The following ANKRD11 variants were observed in gnomAD, a reference collection of about 807,000 sequenced individuals.
The protein encoded by ANKRD11 is ankyrin repeat domain-containing protein 11.
A neutral mutation model predicts 195.7 loss-of-function variants in ANKRD11; 17 were observed. The observed-to-expected ratio is 0.09, with a 90% confidence interval of 0.06 to 0.13. The LOEUF (loss-of-function observed/expected upper bound fraction) is 0.13, where lower values mean the gene tolerates loss of function less well. Ranked by LOEUF, ANKRD11 falls within the 10% of genes least tolerant of loss-of-function variation. The pLI is 1.00. For missense variants in ANKRD11, 3,735 were observed against 3,566.1 expected, an observed-to-expected ratio of 1.05 and a Z score of -1.21; for synonymous variants, 1,953 against 1,528.1, an observed-to-expected ratio of 1.28 and a Z score of -6.49.
intron 1 of ANKRD11, among the ~76,000 whole-genome samples, chr16:89,427,017 T>C (rs1235083760): frequency 6.6e-6 from 1 of 152,136 alleles, no homozygotes; most frequent in Admixed American, 6.5e-5. Context: ...TGAAGAACCA[T>C]CTCTTGGTAT....
chr16:89,282,954 G>C lies in ANKRD11; in HGVS notation c.3588C>G (p.Asp1196Glu), dbSNP rs1439827633. The change falls in exon 9 of 13, where the codon GAC (aspartate) becomes GAG (glutamate). Residue 1196 changes from aspartate to glutamate, a missense_variant. Asp to Glu is a conservative substitution (Grantham distance 45, BLOSUM62 2). Transcript: ENST00000301030. The part of the protein sequence containing the change: ...KDRGAADAGR[D>E]KKEKVFEKHK... ...GCTTTTCAAAGACTTTCTCTTTTTTGTCTCTCCCCGCGTCGGCAGCCCCTC... is the reference window on the plus strand; with the variant it reads ...GCTTTTCAAAGACTTTCTCTTTTTTCTCTCTCCCCGCGTCGGCAGCCCCTC... The C allele has an allele frequency of 1.9e-6, 3 of 1,612,334 alleles. No individual in the cohort carries two copies. The highest frequency in any genetic ancestry group is 1.3e-5 in the African/African-American group (1 of 74,440).
chr16:89,298,545 C>T (rs2151836561), intron 4 of ANKRD11, among the ~76,000 whole-genome samples: 1 of 152,358 alleles, frequency 6.6e-6, no homozygotes, highest in Non-Finnish European at 1.5e-5. Flanking sequence ...CCTGCCCGCC[C>T]CCCTCACTTG....
At chr16:89,320,845 C>A (rs1201354225) in intron 2 of ANKRD11, among the ~76,000 whole-genome samples, 4 of 152,232 alleles carry the variant, frequency 2.6e-5, no homozygotes. Context: ...CTCCACACTG[C>A]GAGAGCCCCT....
intron 2 of ANKRD11, among the ~76,000 whole-genome samples, chr16:89,381,128 G>A (rs1390679017): frequency 6.6e-6 from 1 of 152,104 alleles, no homozygotes; most frequent in Non-Finnish European, 1.5e-5. Context: ...TTTGAGACCA[G>A]CCCGGCCAAC....
intron 3 of ANKRD11, among the ~76,000 whole-genome samples, chr16:89,314,690 C>T (rs1032514457): frequency 4.6e-5 from 7 of 152,166 alleles, no homozygotes; most frequent in African/African-American, 1.7e-4. Context: ...AGGAGAGCTC[C>T]CTCTTTCCTC....
chr16:89,315,576 A>G (rs1220238044), intron 3 of ANKRD11, among the ~76,000 whole-genome samples: 1 of 152,206 alleles, frequency 6.6e-6, no homozygotes, highest in Non-Finnish European at 1.5e-5. Context: ...GGTGCTGACC[A>G]AGCACTGGCT....
chr16:89,463,176 C>T (rs2056759290), intron 1 of ANKRD11, among the ~76,000 whole-genome samples: 1 of 152,170 alleles, frequency 6.6e-6, no homozygotes, highest in Non-Finnish European at 1.5e-5. Flanking sequence ...GGAGGTGTGC[C>T]CAACAGCTCA....
At chr16:89,405,584 T>G (rs1797532441) in intron 2 of ANKRD11, among the ~76,000 whole-genome samples, 1 of 147,774 alleles carries the variant, frequency 6.8e-6, no homozygotes, top group African/African-American at 2.5e-5. Context: ...TCCTCCCGCC[T>G]CAGCCTCCCA....
intron 2 of ANKRD11, among the ~76,000 whole-genome samples, chr16:89,379,754 A>G (rs527383610): frequency 1.6e-4 from 25 of 152,390 alleles, no homozygotes; most frequent in Admixed American, 1.6e-3. Context: ...GTGATTCACA[A>G]AGAACTTGGA....
chr16:89,365,987 T>C lies in ANKRD11; in HGVS notation c.-59-48909A>G, dbSNP rs370748932. On this transcript the variant is annotated intron_variant, in intron 2 of 12. Transcript: ENST00000301030. ...TTGGTTTTCTGTCCCTGCATTGGTT[T>C]GTTAAGGATAAGGGCCTCCAGGCTC... Among the ~76,000 whole-genome samples the C allele has an allele frequency of 2.4e-4, 37 of 152,218 alleles. 1 individual carries two copies. The highest frequency in any genetic ancestry group is 8.7e-4 in the African/African-American group (36 of 41,528).
intron 4 of ANKRD11, among the ~76,000 whole-genome samples, chr16:89,302,344 T>C (rs1029109652): frequency 6.6e-6 from 1 of 152,154 alleles, no homozygotes; most frequent in African/African-American, 2.4e-5. Flanking sequence ...CCTCCACCTA[T>C]TGGGTTCACG....
At chr16:89,379,617 G>C (rs1460634057) in intron 2 of ANKRD11, among the ~76,000 whole-genome samples, 1 of 152,206 alleles carries the variant, frequency 6.6e-6, no homozygotes, top group Non-Finnish European at 1.5e-5. Flanking sequence ...TCCAACTTGA[G>C]CTTACAGTTT....
intron 2 of ANKRD11, among the ~76,000 whole-genome samples, chr16:89,384,879 C>CTTTTTTTTTTTTTCT (rs2040834686): frequency 2.2e-4 from 11 of 49,942 alleles, no homozygotes; most frequent in Non-Finnish European, 3.5e-4. Flanking sequence ...AAATAGTTTT[C>CTTTTTTTTTTTTTCT]TTTTTTTTTT....
chr16:89,486,883 T>C (rs1372535308), intron 1 of ANKRD11, among the ~76,000 whole-genome samples: 2 of 151,710 alleles, frequency 1.3e-5, no homozygotes, highest in Non-Finnish European at 2.9e-5. Context: ...GTAGGAGGTG[T>C]CTGTAATCCC....
At chr16:89,324,707 G>C (rs534141763) in intron 2 of ANKRD11, 1 of 333,542 alleles carries the variant, frequency 3.0e-6, no homozygotes, top group Non-Finnish European at 5.9e-6. Flanking sequence ...AAGTGCTTCA[G>C]CTTTTGGGTT....
intron 2 of ANKRD11, among the ~76,000 whole-genome samples, chr16:89,387,555 C>A (rs2040971522): frequency 6.6e-6 from 1 of 150,996 alleles, no homozygotes. Context: ...CGCCTGTACT[C>A]CCAGCTACTC....
At chr16:89,355,389 T>G (rs1312984891) in intron 2 of ANKRD11, among the ~76,000 whole-genome samples, 1 of 152,212 alleles carries the variant, frequency 6.6e-6, no homozygotes, top group Non-Finnish European at 1.5e-5. Flanking sequence ...ACAGAAGAGC[T>G]GATTAAGTTT....
chr16:89,462,333 G>T (rs2056708505), intron 1 of ANKRD11, among the ~76,000 whole-genome samples: 1 of 152,218 alleles, frequency 6.6e-6, no homozygotes, highest in African/African-American at 2.4e-5. Flanking sequence ...GGCCTCCCGA[G>T]GTGCCGGGAT....
At chr16:89,407,969 C>G (rs2041976480) in intron 2 of ANKRD11, among the ~76,000 whole-genome samples, 1 of 151,374 alleles carries the variant, frequency 6.6e-6, no homozygotes, top group African/African-American at 2.4e-5. Flanking sequence ...AAGTAAAGAA[C>G]AAACACATCT....
Sources: gnomAD v4.1 joint callset for allele counts (sites outside exome capture counted in the v4.1 genomes callset) on GRCh38, gnomAD v4.1.1 for gene constraint, MANE v1.5 for transcripts, NCBI Gene and HGNC (gene_info 2026-07-23, HGNC 2026-07-21) for gene names.